Variants in SBNO1 observed in about 807,000 individuals in gnomAD.
The protein encoded by SBNO1 is protein strawberry notch homolog 1.
SBNO1 carries 23 observed loss-of-function variants against 173.6 expected under a neutral mutation model. That is an observed-to-expected ratio of 0.13 (90% CI 0.10 to 0.19). SBNO1 has a LOEUF of 0.19. SBNO1 is among the 10% of genes least tolerant of loss of function. The probability of loss-of-function intolerance (pLI) is 1.00; values close to 1 mark genes in which losing one functional copy is unlikely to be tolerated. For missense variants in SBNO1, 1,238 were observed against 1,671.2 expected, an observed-to-expected ratio of 0.74 and a Z score of 4.52; for synonymous variants, 632 against 571.5, an observed-to-expected ratio of 1.11 and a Z score of -1.51.
At chr12:123,364,267 G>A (rs1413394081) in intron 1 of SBNO1, 3 of 985,438 alleles carry the variant, frequency 3.0e-6, no homozygotes, top group South Asian at 4.7e-5. Context: ...GGGCACGAAA[G>A]AGGACTTGGG....
At chr12:123,305,757 G>T (rs1392023812) in intron 28 of SBNO1, among the ~76,000 whole-genome samples, 1 of 152,070 alleles carries the variant, frequency 6.6e-6, no homozygotes, top group Non-Finnish European at 1.5e-5. Context: ...ACAGACGTGA[G>T]CCACCACGCC....
chr12:123,295,780 C>CA lies in SBNO1; in HGVS notation c.*127dup. 5 of 1,312,396 alleles carry CA rather than the reference C, an allele frequency of 3.8e-6. No homozygotes were observed. Among genetic ancestry groups the CA allele is most frequent in the South Asian group, 3.0e-5 (2 of 65,768 alleles). The allele number at this position is 1,312,396 out of a possible 1,614,324, so 81.3% of individuals were successfully genotyped here. On this transcript the variant is annotated 3_prime_UTR_variant, in exon 32 of 32. Coordinates refer to ENST00000602398, the MANE Select transcript of SBNO1 (RefSeq NM_001167856.3). ...TCTATTCCAGGTTTGTCCTTACTCC[C>CA]AAAAAAACTAACTAGAGAGCACAAC...
intron 17 of SBNO1, 70 bp from the exon 18 acceptor site, chr12:123,320,936 C>T (rs1437835597): frequency 2.4e-5 from 30 of 1,258,852 alleles, no homozygotes; most frequent in Non-Finnish European, 2.8e-5. Flanking sequence ...AAGGAAACAA[C>T]CTTTGAAATT....
rs926333234 is a variant in SBNO1 at position 123,295,567 on chromosome 12, G to C, written c.*341C>G. The C allele has an allele frequency of 1.4e-5, 3 of 216,078 alleles. No individual in the cohort carries two copies. The highest frequency in any genetic ancestry group is 2.2e-5 in the African/African-American group (1 of 44,456). The allele number at this position is 216,078 out of a possible 1,614,324, so 13.4% of individuals were successfully genotyped here. A position where few individuals can be genotyped will look rare whatever the true frequency, so the allele number is the denominator to read the frequency against. On this transcript the variant is annotated 3_prime_UTR_variant, in exon 32 of 32. Coordinates refer to ENST00000602398, the MANE Select transcript of SBNO1 (RefSeq NM_001167856.3). ...TAAACATAAAGTAAAGCCAGTTTGG[G>C]AAGTTCCAAGCATTTTAAACCAACT...
rs74690356 is a variant in SBNO1, at chr12:123,313,805, C to G, written c.3121-86G>C. The G allele has an allele frequency of 1.1e-4, 85 of 767,540 alleles. 3 individuals carry two copies. The South Asian group carries it at 1.1e-3, about 10-fold the overall frequency. The allele number at this position is 767,540 out of a possible 1,614,324, so 47.5% of individuals were successfully genotyped here. On this transcript the variant is annotated intron_variant, in intron 23 of 31. Transcript: ENST00000602398. ...GACCACCTAAATACTATAAAAACTA[C>G]TGGCTGGGTGCGGTGGCTCATGCCT...
At chr12:123,354,676 T>C (rs1396996983) in intron 1 of SBNO1, among the ~76,000 whole-genome samples, 1 of 152,174 alleles carries the variant, frequency 6.6e-6, no homozygotes, top group Non-Finnish European at 1.5e-5. Flanking sequence ...AAATAAGACC[T>C]GTTCATAGGA....
At chr12:123,309,899 A>T in intron 25 of SBNO1, 43 bp from the exon 26 acceptor site, 1 of 1,307,470 alleles carries the variant, frequency 7.6e-7, no homozygotes, top group Non-Finnish European at 1.0e-6. Flanking sequence ...AATGATAATT[A>T]AAAATTTTTT....
intron 7 of SBNO1, among the ~76,000 whole-genome samples, chr12:123,332,094 C>A (rs1409429632): frequency 6.6e-6 from 1 of 152,016 alleles, no homozygotes; most frequent in Non-Finnish European, 1.5e-5. Flanking sequence ...CATGATGCAC[C>A]CGCCTTGGCC....
At chr12:123,352,466 G>A (rs549446467) in intron 1 of SBNO1, among the ~76,000 whole-genome samples, 2 of 152,070 alleles carry the variant, frequency 1.3e-5, no homozygotes, top group South Asian at 4.2e-4. Flanking sequence ...GTTAATTTTT[G>A]TATTTAGTAG....
At chr12:123,319,050 GCCTCCCAGGTTCCAGCTATTCT>G (rs978858090) in intron 20 of SBNO1, among the ~76,000 whole-genome samples, 2 of 146,944 alleles carry the variant, frequency 1.4e-5, no homozygotes, top group African/African-American at 5.0e-5. Flanking sequence ...TGCAACCCCT[GCCTCCCAGGTTCCAGCTATTCT>G]CCTCCCTCAG....
At chr12:123,343,506 A>G (rs536631673) in intron 4 of SBNO1, among the ~76,000 whole-genome samples, 2 of 150,358 alleles carry the variant, frequency 1.3e-5, no homozygotes, top group Admixed American at 1.3e-4. Flanking sequence ...ACAACAAAAA[A>G]CTTTGCTTGT....
intron 1 of SBNO1, among the ~76,000 whole-genome samples, chr12:123,352,270 G>C (rs1422935753): frequency 1.3e-5 from 2 of 152,152 alleles, no homozygotes; most frequent in Non-Finnish European, 2.9e-5. Context: ...ATAAAATTAA[G>C]TGTCAGTGTT....
At chr12:123,330,329 T>G (rs1871071211) in intron 9 of SBNO1, 90 bp downstream of exon 9, 1 of 773,172 alleles carries the variant, frequency 1.3e-6, no homozygotes, top group Admixed American at 2.7e-5. Flanking sequence ...TTCCAAAAAG[T>G]GTCCCCTTAT....
chr12:123,313,223 A>C (rs1868822092), intron 24 of SBNO1, among the ~76,000 whole-genome samples: 1 of 148,004 alleles, frequency 6.8e-6, no homozygotes, highest in Non-Finnish European at 1.5e-5. Flanking sequence ...TAAATAAATA[A>C]ATAAATAAAT....
intron 7 of SBNO1, among the ~76,000 whole-genome samples, chr12:123,333,340 TCA>T (rs1195703195): frequency 2.6e-5 from 4 of 152,008 alleles, no homozygotes; most frequent in African/African-American, 7.3e-5. Flanking sequence ...TCCAATAATA[TCA>T]CAGTTTATGC....
At chr12:123,301,180 T>TG (rs2138881260) in intron 30 of SBNO1, among the ~76,000 whole-genome samples, 1 of 151,936 alleles carries the variant, frequency 6.6e-6, no homozygotes, top group East Asian at 1.9e-4. Context: ...GCTAATTTTT[T>TG]TATTTTTAGT....
chr12:123,304,932 A>G (rs2048878031), intron 28 of SBNO1, among the ~76,000 whole-genome samples: 1 of 152,248 alleles, frequency 6.6e-6, no homozygotes, highest in African/African-American at 2.4e-5. Context: ...CTAAAGATGA[A>G]GGTTAAAGAC....
chr12:123,359,108 T>C (rs1874817336), intron 1 of SBNO1, among the ~76,000 whole-genome samples: 2 of 151,858 alleles, frequency 1.3e-5, no homozygotes. Context: ...AATTTTTTTG[T>C]ATTTTTAGTA....
rs1277910497 is a variant in SBNO1, at chr12:123,295,304, G to C, written c.*604C>G. ...TAACAAATGTTTCTCTCTGTTACTC[G>C]ACTCCTGTGTTAATCTTGTTTCAGC... On this transcript the variant is annotated 3_prime_UTR_variant, in exon 32 of 32. Coordinates refer to ENST00000602398, the MANE Select transcript of SBNO1 (RefSeq NM_001167856.3). 2 of 152,096 alleles carry C rather than the reference G, an allele frequency of 1.3e-5. No individual in the cohort carries two copies. The highest frequency in any genetic ancestry group is 4.8e-5 in the African/African-American group (2 of 41,402). 9.4% of individuals were successfully genotyped at this position (152,096 alleles called of 1,614,324 possible).
Sources: gnomAD v4.1 joint callset for allele counts (sites outside exome capture counted in the v4.1 genomes callset) on GRCh38, gnomAD v4.1.1 for gene constraint, MANE v1.5 for transcripts, NCBI Gene and HGNC (gene_info 2026-07-23, HGNC 2026-07-21) for gene names.